The following SLC9A9 variants were observed in gnomAD, a reference collection of about 807,000 sequenced individuals.
SLC9A9 encodes solute carrier family 9 member A9, also known as sodium/hydrogen exchanger 9.
SLC9A9 carries 62 observed loss-of-function variants against 77.8 expected under a neutral mutation model. That is an observed-to-expected ratio of 0.80 (90% confidence interval 0.65 to 0.98). SLC9A9 has a LOEUF of 0.98. Ranked by LOEUF, SLC9A9 falls within the 50% of genes least tolerant of loss-of-function variation. SLC9A9 has a pLI of 0.00. For synonymous variants in SLC9A9, 320 were observed against 283.5 expected (o/e 1.13, Z -1.29); for missense variants, 775 against 774.9 (o/e 1.00, Z 0.00).
intron 6 of SLC9A9, among the ~76,000 whole-genome samples, chr3:143,606,428 C>CTATATATATATATATA (rs1473173290): frequency 2.9e-5 from 2 of 69,882 alleles, no homozygotes; most frequent in Admixed American, 1.6e-4. Flanking sequence ...CTCTCTCTCT[C>CTATATATATATATATA]TCTCTCTCTA....
intron 12 of SLC9A9, among the ~76,000 whole-genome samples, chr3:143,428,970 G>C (rs1393041887): frequency 2.0e-5 from 3 of 152,154 alleles, no homozygotes; most frequent in African/African-American, 7.2e-5. Context: ...GTTAGAGTTA[G>C]GAAGTTTTGG....
intron 14 of SLC9A9, among the ~76,000 whole-genome samples, chr3:143,355,387 T>G (rs2032560197): frequency 6.6e-6 from 1 of 152,246 alleles, no homozygotes; most frequent in South Asian, 2.1e-4. Context: ...CTGTTCTAAG[T>G]GTTTTGTGTT....
intron 12 of SLC9A9, among the ~76,000 whole-genome samples, chr3:143,431,213 C>T (rs2034506953): frequency 6.6e-6 from 1 of 152,136 alleles, no homozygotes; most frequent in Non-Finnish European, 1.5e-5. Flanking sequence ...TCCTTCAATT[C>T]ACAAGTCACA....
intron 13 of SLC9A9, among the ~76,000 whole-genome samples, chr3:143,371,199 G>A (rs1448357600): frequency 6.6e-6 from 1 of 152,132 alleles, no homozygotes; most frequent in African/African-American, 2.4e-5. Flanking sequence ...AATAAATGGA[G>A]AGATTAAGAT....
chr3:143,508,031 G>A (rs1407276404), intron 9 of SLC9A9, among the ~76,000 whole-genome samples: 2 of 152,130 alleles, frequency 1.3e-5, no homozygotes, highest in Non-Finnish European at 2.9e-5. Flanking sequence ...GTTTCAACAT[G>A]GGGGATACAA....
chr3:143,620,190 C>T (rs1196424719), intron 6 of SLC9A9, among the ~76,000 whole-genome samples: 1 of 152,200 alleles, frequency 6.6e-6, no homozygotes, highest in East Asian at 1.9e-4. Flanking sequence ...ATTTACCTCA[C>T]TTCAAAATAT....
rs1464185455 is a variant in SLC9A9 at position 143,451,633 on chromosome 3, AT to A, written c.1469+15403del. 7.9e-5 allele frequency among the ~76,000 whole-genome samples: 12 copies of A among 151,908 alleles called. No homozygotes were observed. The South Asian group carries it at 1.0e-3, about 13-fold the overall frequency. On this transcript the variant is annotated intron_variant, in intron 12 of 15. Coordinates refer to ENST00000316549, the MANE Select transcript of SLC9A9 (RefSeq NM_173653.4). The stretch of plus-strand genomic sequence containing the variant: ...AGTACTAGTTCACCGATAACCAAAA[AT>A]AAAGGAGAAAAGGGGAAGTTCCCCC...
chr3:143,584,320 G>C (rs965615201), intron 6 of SLC9A9, among the ~76,000 whole-genome samples: 6 of 152,062 alleles, frequency 3.9e-5, no homozygotes, highest in Admixed American at 2.0e-4. Context: ...GGTTCCACAG[G>C]ATGCTCTCCC....
At chr3:143,434,051 C>T (rs2034575837) in intron 12 of SLC9A9, among the ~76,000 whole-genome samples, 1 of 152,158 alleles carries the variant, frequency 6.6e-6, no homozygotes, top group South Asian at 2.1e-4. Flanking sequence ...TTAAAATGGA[C>T]ACAATAAGAT....
intron 12 of SLC9A9, among the ~76,000 whole-genome samples, chr3:143,412,305 CA>C (rs1222062241): frequency 6.6e-6 from 1 of 151,984 alleles, no homozygotes; most frequent in Non-Finnish European, 1.5e-5. Flanking sequence ...GTGAAAAAGA[CA>C]GGGGGCAAGG....
intron 4 of SLC9A9, among the ~76,000 whole-genome samples, chr3:143,728,495 C>G (rs752248858): frequency 2.6e-5 from 4 of 152,044 alleles, no homozygotes; most frequent in Non-Finnish European, 5.9e-5. Flanking sequence ...AGGGATGGAT[C>G]AGCACGGAGA....
At chr3:143,516,912 ACCAATT>A (rs2036211194) in intron 9 of SLC9A9, among the ~76,000 whole-genome samples, 3 of 152,136 alleles carry the variant, frequency 2.0e-5, no homozygotes. Context: ...CTAAAACCTT[ACCAATT>A]CCTAATCTGA....
intron 4 of SLC9A9, among the ~76,000 whole-genome samples, chr3:143,720,836 T>G (rs1249011343): frequency 2.8e-5 from 4 of 143,194 alleles, no homozygotes; most frequent in African/African-American, 1.2e-4. Flanking sequence ...CCATATTGGC[T>G]GTCTAGGGAT....
At chr3:143,303,922 A>T (rs1488229874) in intron 14 of SLC9A9, among the ~76,000 whole-genome samples, 1 of 152,228 alleles carries the variant, frequency 6.6e-6, no homozygotes, top group Admixed American at 6.5e-5. Context: ...ATTTCTTAAC[A>T]GAGGAACTTT....
chr3:143,753,227 G>A (rs1167667864), intron 4 of SLC9A9, among the ~76,000 whole-genome samples: 2 of 152,104 alleles, frequency 1.3e-5, no homozygotes, highest in South Asian at 2.1e-4. Flanking sequence ...CCTTTGGACA[G>A]CTTTTCTGCC....
intron 9 of SLC9A9, among the ~76,000 whole-genome samples, chr3:143,515,494 A>C (rs539929162): frequency 1.3e-5 from 2 of 152,248 alleles, no homozygotes; most frequent in Non-Finnish European, 2.9e-5. Context: ...AAGGCATTAC[A>C]CTTCTGAAGG....
chr3:143,679,055 G>T (rs764168894), intron 5 of SLC9A9, among the ~76,000 whole-genome samples: 44 of 151,808 alleles, frequency 2.9e-4, no homozygotes, highest in Non-Finnish European at 5.3e-4. Context: ...AAAGAGGTGA[G>T]GGGGGTGGGA....
chr3:143,422,419 TA>T (rs1487819299), intron 12 of SLC9A9, among the ~76,000 whole-genome samples: 1 of 152,192 alleles, frequency 6.6e-6, no homozygotes, highest in East Asian at 1.9e-4. Flanking sequence ...TATGCAGCCA[TA>T]AAAAGAATGA....
chr3:143,806,843 T>C (rs1279733680), intron 2 of SLC9A9, among the ~76,000 whole-genome samples: 1 of 152,092 alleles, frequency 6.6e-6, no homozygotes, highest in Non-Finnish European at 1.5e-5. Context: ...CAACAATAAC[T>C]TACTGTACAT....
Sources: gnomAD v4.1 joint callset for allele counts (sites outside exome capture counted in the v4.1 genomes callset) on GRCh38, gnomAD v4.1.1 for gene constraint, MANE v1.5 for transcripts, NCBI Gene and HGNC (gene_info 2026-07-23, HGNC 2026-07-21) for gene names.